Variants in XXYLT1 observed in about 807,000 individuals in gnomAD.
The protein encoded by XXYLT1 is UDP-xylose:alpha-xyloside alpha-1,3-xylosyltransferase.
Under a neutral mutation model 28.9 loss-of-function variants are expected in XXYLT1, and 20 were observed. The ratio of observed to expected loss-of-function variants is 0.69; its 90% CI spans 0.49 to 1.00. The LOEUF (loss-of-function observed/expected upper bound fraction) is 1.00, where lower values mean the gene tolerates loss of function less well. Ranked by LOEUF, XXYLT1 falls within the 50% of genes least tolerant of loss-of-function variation. The probability of loss-of-function intolerance (pLI) is 0.00; values close to 1 mark genes in which losing one functional copy is unlikely to be tolerated. For missense variants in XXYLT1, 542 were observed against 560.1 expected, an observed-to-expected ratio of 0.97 and a Z score of 0.33; for synonymous variants, 257 against 253.8, an observed-to-expected ratio of 1.01 and a Z score of -0.12.
intron 1 of XXYLT1, among the ~76,000 whole-genome samples, chr3:195,244,033 T>A (rs1198342698): frequency 6.6e-6 from 1 of 152,190 alleles, no homozygotes; most frequent in African/African-American, 2.4e-5. Context: ...CTGCACGACG[T>A]CCAATCGTTA....
Position 195,166,230 on chromosome 3 carries a change from C to A in XXYLT1, c.653-9649G>T, listed in dbSNP as rs562445151. On this transcript the variant is annotated intron_variant, in intron 2 of 3. Transcript: ENST00000310380. ...CTGTTTACCAAACTGCACTTCAGCA[C>A]TAATTAGTCTATTTCCCAATTTTAA... Among the ~76,000 whole-genome samples, 9 of 152,136 alleles carry A rather than the reference C, an allele frequency of 5.9e-5. No homozygotes were observed. The East Asian group carries it at 9.6e-4, about 16-fold the overall frequency.
At chr3:195,086,416 CTGTTTCCCTGTCTCCATGCA>C (rs1326679070) in intron 3 of XXYLT1, among the ~76,000 whole-genome samples, 2 of 152,334 alleles carry the variant, frequency 1.3e-5, no homozygotes, top group East Asian at 3.9e-4. Flanking sequence ...GGAACAGAGG[CTGTTTCCCTGTCTCCATGCA>C]TGTGAATGCA....
rs116287455 is a variant in XXYLT1, at chr3:195,158,916, G to A, written c.653-2335C>T. ...CTGGCCTCTGGTCCTTGAGGTAGCT[G>A]TCTCTCTGTGGGAAATATGTGGGGG... is the stretch of plus-strand genomic sequence containing the variant. On this transcript the variant is annotated intron_variant, in intron 2 of 3. Transcript: ENST00000310380. 1.4e-3 allele frequency among the ~76,000 whole-genome samples: 217 copies of A among 152,344 alleles called. 1 individual carries two copies. The highest frequency in any genetic ancestry group is 4.8e-3 in the African/African-American group (201 of 41,580).
chr3:195,232,012 A>G (rs1724321714), intron 1 of XXYLT1, among the ~76,000 whole-genome samples: 1 of 152,084 alleles, frequency 6.6e-6, no homozygotes, highest in Non-Finnish European at 1.5e-5. Context: ...AAGCCATTGC[A>G]TCCTTGGCTT....
chr3:195,151,093 T>C (rs1720215096), intron 3 of XXYLT1, among the ~76,000 whole-genome samples: 1 of 151,384 alleles, frequency 6.6e-6, no homozygotes, highest in East Asian at 1.9e-4. Context: ...CTTACCCTGG[T>C]TTCCCTGCAA....
chr3:195,234,988 A>G (rs979969915), intron 1 of XXYLT1, among the ~76,000 whole-genome samples: 4 of 144,376 alleles, frequency 2.8e-5, no homozygotes, highest in African/African-American at 1.0e-4. Context: ...AAAGCCAGTA[A>G]CTCTTAGATT....
intron 3 of XXYLT1, among the ~76,000 whole-genome samples, chr3:195,109,437 A>G (rs2108688891): frequency 6.9e-6 from 1 of 145,252 alleles, no homozygotes; most frequent in Non-Finnish European, 1.5e-5. Flanking sequence ...GTGGTGTATG[A>G]GTGTGTGGTA....
intron 2 of XXYLT1, among the ~76,000 whole-genome samples, chr3:195,202,404 C>CAAA (rs552172950): frequency 5.2e-4 from 29 of 56,086 alleles, no homozygotes; most frequent in African/African-American, 1.4e-3. Flanking sequence ...GGTCCCTGGC[C>CAAA]AAAAAAAAAA....
Position 195,195,537 on chromosome 3 carries a change from T to C in XXYLT1, c.652+31172A>G, listed in dbSNP as rs1386113416. ...AAATAAAAGGACTCTCTTTTCTGTG[T>C]GTTCCTTTGTTCCTGGAACCATCTA... On this transcript the variant is annotated intron_variant, in intron 2 of 3. Coordinates refer to ENST00000310380, the MANE Select transcript of XXYLT1 (RefSeq NM_152531.5). This position sits in a 1 kb window ranked among gnomAD's most constrained non-coding sequence, Gnocchi z 4.4. Among the ~76,000 whole-genome samples the C allele has an allele frequency of 6.6e-6, 1 of 152,248 alleles. No homozygotes were observed. Among genetic ancestry groups the C allele is most frequent in the Non-Finnish European group, 1.5e-5 (1 of 68,036 alleles).
intron 1 of XXYLT1, among the ~76,000 whole-genome samples, chr3:195,232,275 T>C (rs931591932): frequency 2.0e-5 from 3 of 152,128 alleles, no homozygotes; most frequent in Non-Finnish European, 4.4e-5. Context: ...CTTCTCTCTT[T>C]TTTTTCTTAG....
intron 3 of XXYLT1, among the ~76,000 whole-genome samples, chr3:195,089,691 G>A (rs1716023086): frequency 6.6e-6 from 1 of 151,662 alleles, no homozygotes. Context: ...AACTTTAAAT[G>A]TAAATGGACT....
intron 2 of XXYLT1, among the ~76,000 whole-genome samples, chr3:195,165,271 A>G (rs1477017771): frequency 8.5e-5 from 13 of 152,162 alleles, no homozygotes; most frequent in Non-Finnish European, 1.9e-4. Context: ...ACAGGGTCGC[A>G]GGCTACAGGG....
Position 195,258,063 on chromosome 3 carries a change from T to G in XXYLT1, c.504+12492A>C, listed in dbSNP as rs967038000. ...TTTTCAGACTGACAAATCCACCTGCTGAGCCTATGAAGCCCCTGCAGAATC... is the reference window on the plus strand; with the variant it reads ...TTTTCAGACTGACAAATCCACCTGCGGAGCCTATGAAGCCCCTGCAGAATC... On this transcript the variant is annotated intron_variant, in intron 1 of 3. Coordinates refer to ENST00000310380, the MANE Select transcript of XXYLT1 (RefSeq NM_152531.5). 4.6e-5 allele frequency among the ~76,000 whole-genome samples: 7 copies of G among 152,302 alleles called. No individual in the cohort carries two copies. In the East Asian group the frequency reaches 1.4e-3, roughly 29 times the overall value.
At chr3:195,181,759 A>G (rs1331440486) in intron 2 of XXYLT1, among the ~76,000 whole-genome samples, 1 of 152,154 alleles carries the variant, frequency 6.6e-6, no homozygotes, top group South Asian at 2.1e-4. Flanking sequence ...TGTTCCTCCC[A>G]CAGCTGATAC....
At chr3:195,225,052 A>G (rs1723989251) in intron 2 of XXYLT1, among the ~76,000 whole-genome samples, 1 of 152,210 alleles carries the variant, frequency 6.6e-6, no homozygotes, top group South Asian at 2.1e-4. Flanking sequence ...TTGGAGAAGC[A>G]GCTTCCAACC....
At chr3:195,261,128 T>C (rs892154017) in intron 1 of XXYLT1, among the ~76,000 whole-genome samples, 13 of 152,226 alleles carry the variant, frequency 8.5e-5, no homozygotes, top group Admixed American at 1.3e-4. Flanking sequence ...TCTGCACTTT[T>C]ATACATTCTA....
At position 195,256,577 on chromosome 3, in the gene XXYLT1, G is replaced by GCA; in HGVS notation, c.504+13976_504+13977dup. Reference sequence around the variant, plus strand: ...CCTCACACCCCGCAACTTCTCACCCGCACATTCAGGATGGGGTCTGGAAAG... The same window carrying GCA: ...CCTCACACCCCGCAACTTCTCACCCGCACACATTCAGGATGGGGTCTGGAAAG... On this transcript the variant is annotated intron_variant, in intron 1 of 3. Transcript: ENST00000310380. The surrounding 1 kb of genome is among the most constrained non-coding windows in gnomAD (Gnocchi z 4.2). The GCA allele has an allele frequency of 1.0e-6, 1 of 985,324 alleles. No individual in the cohort carries two copies. Among genetic ancestry groups the GCA allele is most frequent in the South Asian group, 4.7e-5 (1 of 21,286 alleles). 61.0% of individuals were successfully genotyped at this position (985,324 alleles called of 1,614,324 possible).
At chr3:195,096,763 G>A (rs946498293) in intron 3 of XXYLT1, among the ~76,000 whole-genome samples, 1 of 152,152 alleles carries the variant, frequency 6.6e-6, no homozygotes, top group Non-Finnish European at 1.5e-5. Context: ...GACAAGCTTT[G>A]TAAAGCTTGG....
intron 2 of XXYLT1, among the ~76,000 whole-genome samples, chr3:195,221,355 A>G (rs1215187141): frequency 1.3e-5 from 2 of 152,096 alleles, no homozygotes; most frequent in African/African-American, 4.8e-5. Context: ...CACCTGCCCC[A>G]CTGACATGAG....
Sources: allele counts gnomAD v4.1 joint callset (sites outside exome capture counted in the v4.1 genomes callset), GRCh38; gene constraint gnomAD v4.1.1; non-coding constraint Gnocchi (gnomAD v3.1); transcripts MANE v1.5; gene names NCBI Gene and HGNC (gene_info 2026-07-23, HGNC 2026-07-21).